Variants in GRID2 observed in about 807,000 individuals in gnomAD.
GRID2 encodes glutamate ionotropic receptor delta type subunit 2.
GRID2 carries 33 observed loss-of-function variants against 114.8 expected under a neutral mutation model. That is an observed-to-expected ratio of 0.29 (90% CI 0.22 to 0.38). The LOEUF (loss-of-function observed/expected upper bound fraction) is 0.38, where lower values mean the gene tolerates loss of function less well. Among genes scored for constraint, GRID2 ranks in the 10% least tolerant of loss-of-function variants. GRID2 has a pLI of 1.00. For missense variants in GRID2, 1,184 were observed against 1,257.7 expected (o/e 0.94, Z 0.89); for synonymous variants, 505 against 449.9 (o/e 1.12, Z -1.55).
chr4:92,676,869 C>T (rs981276988), intron 2 of GRID2, among the ~76,000 whole-genome samples: 3 of 152,048 alleles, frequency 2.0e-5, no homozygotes, highest in African/African-American at 4.8e-5. Flanking sequence ...GTGGAAGCAA[C>T]CCCAGTGTCA....
intron 14 of GRID2, among the ~76,000 whole-genome samples, chr4:93,728,079 G>C (rs1435182805): frequency 2.6e-5 from 4 of 151,970 alleles, no homozygotes; most frequent in African/African-American, 9.7e-5. Context: ...TGTGATGTTA[G>C]GGTGTCAATT....
intron 4 of GRID2, among the ~76,000 whole-genome samples, chr4:93,121,535 A>G (rs747950810): frequency 6.6e-6 from 1 of 152,302 alleles, no homozygotes; most frequent in Admixed American, 6.5e-5. Flanking sequence ...TGTTATATGA[A>G]TAAGACAGAA....
At chr4:92,339,033 C>T (rs1727337733) in intron 1 of GRID2, among the ~76,000 whole-genome samples, 1 of 151,946 alleles carries the variant, frequency 6.6e-6, no homozygotes, top group South Asian at 2.1e-4. Context: ...TAATTACTTC[C>T]CATTGCCATA....
chr4:93,757,345 C>T lies in GRID2; in HGVS notation c.2361-11865C>T, dbSNP rs147481608. On this transcript the variant is annotated intron_variant, in intron 14 of 15. Coordinates refer to ENST00000282020, the MANE Select transcript of GRID2 (RefSeq NM_001510.4). Reference sequence around the variant, plus strand: ...ATGCTCAGTCTCAGGGAACTCCGTTCGTCTTTTCAGAATGCCTGTACTTTC... The same window carrying T: ...ATGCTCAGTCTCAGGGAACTCCGTTTGTCTTTTCAGAATGCCTGTACTTTC... Among the ~76,000 whole-genome samples, 577 of 152,318 alleles carry T rather than the reference C, an allele frequency of 3.8e-3. 5 individuals carry two copies. Among genetic ancestry groups the T allele is most frequent in the African/African-American group, 0.013 (550 of 41,574 alleles).
intron 13 of GRID2, among the ~76,000 whole-genome samples, chr4:93,543,710 TAGAGAGAG>T (rs34742442): frequency 0.013 from 1,750 of 133,588 alleles, 13 homozygotes; most frequent in South Asian, 0.034. Flanking sequence ...GAGTGAGAGA[TAGAGAGAG>T]AGAGAGAGAG....
At chr4:93,427,931 A>G (rs981123170) in intron 10 of GRID2, among the ~76,000 whole-genome samples, 3 of 152,104 alleles carry the variant, frequency 2.0e-5, no homozygotes, top group Admixed American at 6.5e-5. Flanking sequence ...GGGTGAGTTA[A>G]TGTAACTGAG....
At chr4:93,486,589 T>A (rs1242787183) in intron 11 of GRID2, among the ~76,000 whole-genome samples, 1 of 151,764 alleles carries the variant, frequency 6.6e-6, no homozygotes, top group Non-Finnish European at 1.5e-5. Flanking sequence ...GAACTTTATC[T>A]GTACCTTTTC....
chr4:92,706,366 A>C (rs1405355734), intron 2 of GRID2, among the ~76,000 whole-genome samples: 1 of 152,210 alleles, frequency 6.6e-6, no homozygotes, highest in African/African-American at 2.4e-5. Flanking sequence ...GTGATTAATA[A>C]ATACTGATGT....
intron 4 of GRID2, among the ~76,000 whole-genome samples, chr4:93,168,846 C>A (rs1738518641): frequency 6.6e-6 from 1 of 152,076 alleles, no homozygotes; most frequent in Non-Finnish European, 1.5e-5. Flanking sequence ...ATCACCAGTA[C>A]TGAAAATGTG....
chr4:93,778,049 C>T (rs912733781), downstream of GRID2, among the ~76,000 whole-genome samples: 9 of 152,078 alleles, frequency 5.9e-5, no homozygotes, highest in African/African-American at 9.7e-5. Flanking sequence ...CTTGCATATT[C>T]GCTACACAAA....
intron 7 of GRID2, among the ~76,000 whole-genome samples, chr4:93,231,177 G>A (rs1746091684): frequency 2.0e-5 from 3 of 151,876 alleles, no homozygotes; most frequent in Admixed American, 6.6e-5. Flanking sequence ...ATTGCAACAC[G>A]AGTAGCCTGT....
At chr4:92,434,863 G>A (rs1367795650) in intron 1 of GRID2, among the ~76,000 whole-genome samples, 5 of 152,010 alleles carry the variant, frequency 3.3e-5, no homozygotes, top group African/African-American at 7.2e-5. Context: ...TGAAAATTTA[G>A]CACCCCTTAA....
chr4:93,113,267 C>T (rs1288784702), intron 4 of GRID2, among the ~76,000 whole-genome samples: 1 of 152,058 alleles, frequency 6.6e-6, no homozygotes, highest in Non-Finnish European at 1.5e-5. Flanking sequence ...TCATAAAAAG[C>T]CTTTGAGTTG....
At chr4:92,945,392 T>C (rs925559639) in intron 2 of GRID2, among the ~76,000 whole-genome samples, 5 of 152,158 alleles carry the variant, frequency 3.3e-5, no homozygotes, top group Non-Finnish European at 5.9e-5. Context: ...TGTTTTTTTT[T>C]CCCAATGGGA....
Position 92,475,080 on chromosome 4 carries a change from G to A in GRID2, c.89-115051G>A, listed in dbSNP as rs145077568. On this transcript the variant is annotated intron_variant, in intron 1 of 15. Transcript: ENST00000282020. The stretch of plus-strand genomic sequence containing the variant: ...CACATGTATACATATGCAACTAACT[G>A]GCACATTGTGCATATGTACCCTAAA... Among the ~76,000 whole-genome samples the A allele has an allele frequency of 8.8e-4, 130 of 147,886 alleles. 1 individual carries two copies. Among genetic ancestry groups the A allele is most frequent in the African/African-American group, 3.0e-3 (122 of 40,276 alleles).
intron 14 of GRID2, among the ~76,000 whole-genome samples, chr4:93,627,486 A>C (rs548081580): frequency 6.6e-6 from 1 of 152,336 alleles, no homozygotes; most frequent in South Asian, 2.1e-4. Flanking sequence ...AGTTAGATTA[A>C]TTCTAAGGTC....
intron 2 of GRID2, among the ~76,000 whole-genome samples, chr4:92,849,493 T>C (rs979968651): frequency 2.0e-5 from 3 of 151,946 alleles, no homozygotes; most frequent in African/African-American, 7.2e-5. Flanking sequence ...GGCTAAAATA[T>C]GGAGAAAAAC....
At chr4:92,842,979 C>T (rs146077249) in intron 2 of GRID2, among the ~76,000 whole-genome samples, 1 of 151,998 alleles carries the variant, frequency 6.6e-6, no homozygotes, top group Non-Finnish European at 1.5e-5. Flanking sequence ...TGTTTTACAC[C>T]GGTAATGTAA....
At chr4:93,747,646 G>A (rs1480636149) in intron 14 of GRID2, among the ~76,000 whole-genome samples, 2 of 151,952 alleles carry the variant, frequency 1.3e-5, no homozygotes, top group African/African-American at 2.4e-5. Flanking sequence ...CACAAAAACT[G>A]TTGTACATAT....
Sources: gnomAD v4.1 joint callset for allele counts (sites outside exome capture counted in the v4.1 genomes callset) on GRCh38, gnomAD v4.1.1 for gene constraint, MANE v1.5 for transcripts, NCBI Gene and HGNC (gene_info 2026-07-23, HGNC 2026-07-21) for gene names.